TRPM3: variants seen among roughly 807,000 people sequenced by gnomAD.
TRPM3 encodes the protein long transient receptor potential channel 3.
In TRPM3, 77 loss-of-function variants were observed where a neutral mutation model predicts 181.2. The ratio of observed to expected loss-of-function variants is 0.42; its 90% CI spans 0.35 to 0.51. The LOEUF is 0.51. Among genes scored for constraint, TRPM3 ranks in the 20% least tolerant of loss-of-function variants. The pLI is 0.01. For synonymous variants in TRPM3, 745 were observed against 796.4 expected (o/e 0.94, Z 1.09); for missense variants, 1,759 against 2,196.7 (o/e 0.80, Z 3.98).
rs1254244485 is a variant in TRPM3, at chr9:70,530,798, GA to G, written c.*5154del. 2 of 152,336 alleles carry G rather than the reference GA, an allele frequency of 1.3e-5. No individual in the cohort carries two copies. The highest frequency in any genetic ancestry group is 3.9e-4 in the East Asian group (2 of 5,190). 9.4% of individuals were successfully genotyped at this position (152,336 alleles called of 1,614,324 possible). A position where few individuals can be genotyped will look rare whatever the true frequency, so the allele number is the denominator to read the frequency against. ...GAATATCCAACTTGTAAAAAGAAGA[GA>G]AAGCTTAGGTCAATGCAGGCTGAGA... is the stretch of plus-strand genomic sequence containing the variant. On this transcript the variant is annotated 3_prime_UTR_variant, in exon 26 of 26. Transcript: ENST00000677713.
intron 9 of TRPM3, among the ~76,000 whole-genome samples, chr9:70,671,930 AT>A (rs10633740): frequency 2.4e-3 from 343 of 141,510 alleles, no homozygotes; most frequent in East Asian, 3.7e-3. Flanking sequence ...TGTCCAGCTA[AT>A]TTTTTTTTTT....
chr9:71,285,424 A>C (rs112244718), intron 1 of TRPM3, among the ~76,000 whole-genome samples: 1 of 152,160 alleles, frequency 6.6e-6, no homozygotes, highest in East Asian at 1.9e-4. Flanking sequence ...AACACTGAGC[A>C]AACAGTATAG....
intron 1 of TRPM3, among the ~76,000 whole-genome samples, chr9:70,992,991 AC>A (rs553315287): frequency 7.2e-5 from 11 of 152,156 alleles, no homozygotes; most frequent in Non-Finnish European, 1.6e-4. Context: ...GAGAACAGAA[AC>A]AAGTACAAAC....
intron 1 of TRPM3, among the ~76,000 whole-genome samples, chr9:71,218,894 C>T (rs1340076040): frequency 6.6e-6 from 1 of 152,198 alleles, no homozygotes; most frequent in Non-Finnish European, 1.5e-5. Flanking sequence ...GCCAAAGTTA[C>T]AGTCTACTGG....
chr9:70,692,281 G>T (rs1480346533), intron 8 of TRPM3, among the ~76,000 whole-genome samples: 1 of 152,144 alleles, frequency 6.6e-6, no homozygotes, highest in East Asian at 1.9e-4. Flanking sequence ...CCCATTGCTG[G>T]ACACTTACAA....
At chr9:71,016,199 T>C (rs1170460264) in intron 1 of TRPM3, among the ~76,000 whole-genome samples, 9 of 151,556 alleles carry the variant, frequency 5.9e-5, no homozygotes, top group Admixed American at 5.9e-4. Flanking sequence ...ACAGATCTCA[T>C]TGAAATCCTT....
chr9:70,614,219 G>A (rs1176694602), intron 18 of TRPM3, among the ~76,000 whole-genome samples: 1 of 151,926 alleles, frequency 6.6e-6, no homozygotes, highest in Non-Finnish European at 1.5e-5. Context: ...TTAGGACTGG[G>A]TGTGGTGGCT....
Position 70,552,902 on chromosome 9 carries a change from G to C in TRPM3, c.3516C>G (p.His1172Gln). Residue 1172 changes from histidine (H) to glutamine (Q), a missense_variant, in exon 24 of 26, where the codon CAC (histidine) becomes CAG (glutamine). This residue lies in a region of TRPM3 where 96 missense variants were observed against 129.6 expected (regional missense o/e 0.74). Coordinates refer to ENST00000677713, the MANE Select transcript of TRPM3 (RefSeq NM_001366145.2). ...IFSHMTMIFQHLCCRWRKHES... is the reference protein window; with the variant it reads ...IFSHMTMIFQQLCCRWRKHES... Reference sequence around the variant, plus strand: ...CGTGTTTCCTCCATCGGCAGCACAGGTGCTGGAATATCATGGTCATGTGGC... The same window carrying C: ...CGTGTTTCCTCCATCGGCAGCACAGCTGCTGGAATATCATGGTCATGTGGC... 6.2e-7 allele frequency: 1 copy of C among 1,614,220 alleles called. No individual in the cohort carries two copies. The highest frequency in any genetic ancestry group is 8.5e-7 in the Non-Finnish European group (1 of 1,180,038).
intron 1 of TRPM3, among the ~76,000 whole-genome samples, chr9:70,936,087 T>G (rs2096826337): frequency 6.6e-6 from 1 of 152,238 alleles, no homozygotes; most frequent in African/African-American, 2.4e-5. Context: ...AGAGAGAGCA[T>G]TCTTGGGGAT....
At chr9:71,361,875 T>A (rs1250593608) in intron 1 of TRPM3, among the ~76,000 whole-genome samples, 2 of 152,180 alleles carry the variant, frequency 1.3e-5, no homozygotes, top group Admixed American at 1.3e-4. Flanking sequence ...TCAAATATAT[T>A]TGAAATGAAA....
chr9:71,181,529 C>T (rs1423925556), intron 1 of TRPM3, among the ~76,000 whole-genome samples: 19 of 151,994 alleles, frequency 1.3e-4, no homozygotes, highest in Admixed American at 1.2e-3. Context: ...AAGAAGGATG[C>T]ATGACGCCTA....
intron 7 of TRPM3, among the ~76,000 whole-genome samples, chr9:70,767,150 C>G (rs1490322084): frequency 6.6e-6 from 1 of 152,204 alleles, no homozygotes; most frequent in Non-Finnish European, 1.5e-5. Context: ...GTTAACAGTG[C>G]TCTGCACATC....
chr9:70,578,743 A>G (rs2054742898), intron 22 of TRPM3, among the ~76,000 whole-genome samples: 1 of 152,254 alleles, frequency 6.6e-6, no homozygotes, highest in African/African-American at 2.4e-5. Flanking sequence ...TGAGGCAACT[A>G]CATTGTGTCA....
At chr9:70,570,958 G>A (rs1011287041) in intron 22 of TRPM3, among the ~76,000 whole-genome samples, 2 of 151,792 alleles carry the variant, frequency 1.3e-5, no homozygotes, top group Admixed American at 6.6e-5. Flanking sequence ...TGCTTATTTT[G>A]GAAGAGATAA....
intron 1 of TRPM3, among the ~76,000 whole-genome samples, chr9:71,149,681 T>G (rs1366108794): frequency 6.6e-6 from 1 of 152,080 alleles, no homozygotes; most frequent in East Asian, 1.9e-4. Flanking sequence ...TTTATATTAA[T>G]AAACAAAAAA....
At chr9:70,680,725 T>C (rs1242596185) in intron 9 of TRPM3, among the ~76,000 whole-genome samples, 1 of 152,192 alleles carries the variant, frequency 6.6e-6, no homozygotes, top group Non-Finnish European at 1.5e-5. Flanking sequence ...TGTCTTATAG[T>C]TCTAGTTTGA....
Position 70,895,769 on chromosome 9 carries a change from T to C in TRPM3, c.178-31258A>G, listed in dbSNP as rs557225039. ...CTTAGAAAGTTATAATCTTTATAAC[T>C]TACAAAAAAAAGAGACCACAGACTC... On this transcript the variant is annotated intron_variant, in intron 1 of 25. Transcript: ENST00000677713. Among the ~76,000 whole-genome samples, 9 of 152,050 alleles carry C rather than the reference T, an allele frequency of 5.9e-5. No homozygotes were observed. In the South Asian group the frequency reaches 1.9e-3, roughly 32 times the overall value.
At chr9:71,263,011 T>C (rs2083167666) in intron 1 of TRPM3, among the ~76,000 whole-genome samples, 1 of 152,244 alleles carries the variant, frequency 6.6e-6, no homozygotes, top group African/African-American at 2.4e-5. Flanking sequence ...TTTGATTATC[T>C]AATATCTTTA....
chr9:71,084,700 A>G (rs1178892264), intron 1 of TRPM3, among the ~76,000 whole-genome samples: 1 of 152,108 alleles, frequency 6.6e-6, no homozygotes, highest in African/African-American at 2.4e-5. Flanking sequence ...CATGCTGCTT[A>G]AAGCGATCTA....
Sources: allele counts gnomAD v4.1 joint callset (sites outside exome capture counted in the v4.1 genomes callset), GRCh38; gene constraint gnomAD v4.1.1; regional missense constraint gnomAD v4.1.1; transcripts MANE v1.5; gene names NCBI Gene and HGNC (gene_info 2026-07-23, HGNC 2026-07-21).